Variants in TRIM24 observed in about 807,000 individuals in gnomAD.
TRIM24 encodes tripartite motif containing 24.
TRIM24 carries 29 observed loss-of-function variants against 123.9 expected under a neutral mutation model. The observed-to-expected ratio is 0.23, with a 90% confidence interval of 0.17 to 0.32. TRIM24 has a LOEUF of 0.32. TRIM24 is among the 10% of genes least tolerant of loss of function. TRIM24 has a pLI of 1.00. For synonymous variants in TRIM24, 456 were observed against 461.1 expected (o/e 0.99, Z 0.14); for missense variants, 932 against 1,295.3 (o/e 0.72, Z 4.31).
At chr7:138,478,190 T>A (rs935398428) in intron 1 of TRIM24, among the ~76,000 whole-genome samples, 1 of 152,044 alleles carries the variant, frequency 6.6e-6, no homozygotes, top group South Asian at 2.1e-4. Flanking sequence ...GAAAGATTTT[T>A]TGATGGGGTC....
intron 1 of TRIM24, among the ~76,000 whole-genome samples, chr7:138,485,806 G>A (rs924967797): frequency 1.3e-5 from 2 of 152,094 alleles, no homozygotes; most frequent in African/African-American, 2.4e-5. Flanking sequence ...AAACATACAT[G>A]TGCATGTCTT....
intron 1 of TRIM24, among the ~76,000 whole-genome samples, chr7:138,463,164 A>AC (rs963131443): frequency 2.1e-5 from 3 of 143,942 alleles, no homozygotes; most frequent in Non-Finnish European, 4.5e-5. Context: ...TGCTGGGATT[A>AC]CAAGTGTGAG....
At chr7:138,496,527 A>G (rs1795909091) in intron 1 of TRIM24, among the ~76,000 whole-genome samples, 1 of 152,162 alleles carries the variant, frequency 6.6e-6, no homozygotes, top group South Asian at 2.1e-4. Context: ...AGGATTCTGT[A>G]TTTCATCATT....
chr7:138,557,592 C>T (rs943594273), intron 9 of TRIM24, among the ~76,000 whole-genome samples: 1 of 152,192 alleles, frequency 6.6e-6, no homozygotes, highest in South Asian at 2.1e-4. Context: ...TGGAGACCAT[C>T]CTTTCTAAGT....
At chr7:138,578,671 AATC>A (rs1797825084) in intron 14 of TRIM24, among the ~76,000 whole-genome samples, 1 of 152,212 alleles carries the variant, frequency 6.6e-6, no homozygotes, top group Admixed American at 6.5e-5. Context: ...AATTTTTAAC[AATC>A]ATTTTATTTA....
Position 138,554,589 on chromosome 7 carries a change from CAG to C in TRIM24, c.1262-105_1262-104del. The C allele has an allele frequency of 8.3e-7, 1 of 1,198,084 alleles. No individual in the cohort carries two copies. The highest frequency in any genetic ancestry group is 1.2e-6 in the Non-Finnish European group (1 of 851,618). 74.2% of individuals were successfully genotyped at this position (1,198,084 alleles called of 1,614,324 possible). ...CAGAGTGTTAAAGGGCTCATGAGAT[CAG>C]AGAATTTCTTGGCAATTTTGAAGTT... On this transcript the variant is annotated intron_variant, in intron 8 of 18. Transcript: ENST00000343526. The surrounding 1 kb of genome is among the most constrained non-coding windows in gnomAD (Gnocchi z 4.5).
chr7:138,469,744 A>G (rs1037881845), intron 1 of TRIM24, among the ~76,000 whole-genome samples: 2 of 152,218 alleles, frequency 1.3e-5, no homozygotes, highest in African/African-American at 4.8e-5. Context: ...GAGGGAAGAC[A>G]TTAGAACTTC....
intron 2 of TRIM24, among the ~76,000 whole-genome samples, chr7:138,508,724 T>TGGGTGTGTGTGTGC (rs1554436744): frequency 6.7e-6 from 1 of 148,724 alleles, no homozygotes; most frequent in South Asian, 2.2e-4. Flanking sequence ...TGTGTGCGTG[T>TGGGTGTGTGTGTGC]GTGTGTGTGT....
In TRIM24 at chr7:138,584,977, G is replaced by T; in HGVS notation, c.*26G>T. On this transcript the variant is annotated 3_prime_UTR_variant, in exon 19 of 19. Coordinates refer to ENST00000343526, the MANE Select transcript of TRIM24 (RefSeq NM_015905.3). ...TATGCAGCACCACTAGCTTGTGCTG[G>T]TTTTTAGATTTTTTTGTTTTCAAAA... is the stretch of plus-strand genomic sequence containing the variant. 1.3e-6 allele frequency: 2 copies of T among 1,548,080 alleles called. No homozygotes were observed. The highest frequency in any genetic ancestry group is 1.2e-5 in the South Asian group (1 of 80,994).
chr7:138,504,447 C>CTTTT lies in TRIM24; in HGVS notation c.483+62_483+65dup, dbSNP rs750956455. 596 of 154,928 alleles carry CTTTT rather than the reference C, an allele frequency of 3.8e-3. 22 individuals carry two copies. Among genetic ancestry groups the CTTTT allele is most frequent in the South Asian group, 5.6e-3 (39 of 6,992 alleles). 9.6% of individuals were successfully genotyped at this position (154,928 alleles called of 1,614,324 possible). A position where few individuals can be genotyped will look rare whatever the true frequency, so the allele number is the denominator to read the frequency against. ...ATCTTGAACCTTTTGCCTGCCAGCT[C>CTTTT]TTTTTTTTTTTTTTTTTTTTTTTTT... On this transcript the variant is annotated intron_variant, in intron 2 of 18. Coordinates refer to ENST00000343526, the MANE Select transcript of TRIM24 (RefSeq NM_015905.3).
At chr7:138,562,444 T>G (rs1248400352) in intron 9 of TRIM24, among the ~76,000 whole-genome samples, 1 of 152,144 alleles carries the variant, frequency 6.6e-6, no homozygotes, top group Non-Finnish European at 1.5e-5. Flanking sequence ...TGTAGTGTGG[T>G]TCACAGCACA....
intron 4 of TRIM24, among the ~76,000 whole-genome samples, chr7:138,523,781 T>A (rs1320216783): frequency 6.7e-6 from 1 of 149,508 alleles, no homozygotes; most frequent in Non-Finnish European, 1.5e-5. Context: ...AGCCCCTTTC[T>A]TATACAAACT....
chr7:138,519,962 C>T (rs1335030734), intron 4 of TRIM24, among the ~76,000 whole-genome samples: 1 of 152,152 alleles, frequency 6.6e-6, no homozygotes, highest in East Asian at 1.9e-4. Flanking sequence ...ATGGTCTAGG[C>T]TCCCGATAAT....
chr7:138,473,663 C>T (rs575817764), intron 1 of TRIM24, among the ~76,000 whole-genome samples: 1 of 152,324 alleles, frequency 6.6e-6, no homozygotes, highest in East Asian at 1.9e-4. Context: ...TTTTCTATCA[C>T]TGTATGCTTA....
At chr7:138,517,114 A>G (rs1430607737) in intron 3 of TRIM24, among the ~76,000 whole-genome samples, 3 of 152,018 alleles carry the variant, frequency 2.0e-5, no homozygotes, top group Non-Finnish European at 4.4e-5. Flanking sequence ...CCAAAAAAAA[A>G]AAAACCGTCT....
intron 1 of TRIM24, among the ~76,000 whole-genome samples, chr7:138,503,406 A>G (rs1470258907): frequency 1.3e-5 from 2 of 151,964 alleles, no homozygotes; most frequent in East Asian, 1.9e-4. Context: ...GACCTTCACA[A>G]TCTTTTAAAA....
intron 13 of TRIM24, among the ~76,000 whole-genome samples, chr7:138,577,209 A>ATAAC (rs1282027830): frequency 1.3e-5 from 2 of 152,246 alleles, no homozygotes; most frequent in Admixed American, 1.3e-4. Context: ...TTCTAGATAT[A>ATAAC]TAACTATTTA....
intron 1 of TRIM24, among the ~76,000 whole-genome samples, chr7:138,490,045 C>A (rs1301390439): frequency 2.4e-4 from 36 of 152,114 alleles, no homozygotes; most frequent in Admixed American, 2.4e-3. Context: ...AGGCTTTGTT[C>A]ATTTCTTTTT....
At chr7:138,532,496 T>C (rs1796769453) in intron 6 of TRIM24, among the ~76,000 whole-genome samples, 1 of 152,200 alleles carries the variant, frequency 6.6e-6, no homozygotes. Flanking sequence ...TGCTTGTTTT[T>C]GTCAGGTTTG....
Sources: gnomAD v4.1 joint callset for allele counts (sites outside exome capture counted in the v4.1 genomes callset) on GRCh38, gnomAD v4.1.1 for gene constraint, Gnocchi (gnomAD v3.1) non-coding constraint, MANE v1.5 for transcripts, NCBI Gene and HGNC (gene_info 2026-07-23, HGNC 2026-07-21) for gene names.